Variants in MINDY4 observed in about 807,000 individuals in gnomAD.
MINDY4 encodes MINDY lysine 48 deubiquitinase 4, also known as probable ubiquitin carboxyl-terminal hydrolase MINDY-4.
A neutral mutation model predicts 87.0 loss-of-function variants in MINDY4; 68 were observed. The observed-to-expected ratio is 0.78, with a 90% CI of 0.64 to 0.96. The LOEUF is 0.96. MINDY4 is among the 40% of genes least tolerant of loss of function. The probability of loss-of-function intolerance (pLI) is 0.00; values close to 1 mark genes in which losing one functional copy is unlikely to be tolerated. For synonymous variants in MINDY4, 379 were observed against 363.2 expected, an observed-to-expected ratio of 1.04 and a Z score of -0.50; for missense variants, 919 against 928.2, an observed-to-expected ratio of 0.99 and a Z score of 0.13.
Position 30,891,942 on chromosome 7 carries a change from T to C in MINDY4, c.2226-15T>C. On this transcript the variant is annotated splice_polypyrimidine_tract_variant and intron_variant, in intron 17 of 17. Transcript: ENST00000265299. ...GCTTGATCTCTCTTTGTCTCTCTCCTCACTCTACGCTTAGGTGGAAGGGGG... is the reference window on the plus strand; with the variant it reads ...GCTTGATCTCTCTTTGTCTCTCTCCCCACTCTACGCTTAGGTGGAAGGGGG... 1 of 1,613,968 alleles carries C rather than the reference T, an allele frequency of 6.2e-7. No individual in the cohort carries two copies. Among genetic ancestry groups the C allele is most frequent in the South Asian group, 1.1e-5 (1 of 91,074 alleles).
intron 9 of MINDY4, among the ~76,000 whole-genome samples, chr7:30,846,393 CATTT>C (rs1789219473): frequency 6.6e-6 from 1 of 152,214 alleles, no homozygotes; most frequent in Admixed American, 6.5e-5. Context: ...CCCTCAAGAT[CATTT>C]ATTTTCCCTA....
At chr7:30,872,714 C>G (rs1790143212) in intron 14 of MINDY4, among the ~76,000 whole-genome samples, 1 of 152,198 alleles carries the variant, frequency 6.6e-6, no homozygotes, top group African/African-American at 2.4e-5. Context: ...AAGGTATTGT[C>G]TTTATAGCCA....
At chr7:30,778,749 G>T (rs75849664) in intron 2 of MINDY4, among the ~76,000 whole-genome samples, 198 bp downstream of exon 2, 13,051 of 152,180 alleles carry the variant, frequency 0.086, 915 homozygotes, top group African/African-American at 0.18. Flanking sequence ...AGCTGGTGCC[G>T]CCCATTGGCG....
chr7:30,873,149 C>T (rs948812450), intron 14 of MINDY4, among the ~76,000 whole-genome samples: 2 of 152,222 alleles, frequency 1.3e-5, no homozygotes, highest in Admixed American at 6.5e-5. Flanking sequence ...TTGTCCAGGG[C>T]ACCCACAGAG....
chr7:30,795,016 G>A (rs1787443342), intron 5 of MINDY4, among the ~76,000 whole-genome samples: 1 of 152,162 alleles, frequency 6.6e-6, no homozygotes, highest in Admixed American at 6.5e-5. Flanking sequence ...CCAGGGCTAG[G>A]TCTTCCAAGC....
chr7:30,832,756 C>G (rs2128564100), intron 6 of MINDY4, among the ~76,000 whole-genome samples: 1 of 152,312 alleles, frequency 6.6e-6, no homozygotes, highest in Middle Eastern at 3.4e-3. Context: ...GATCCACCCA[C>G]CTTGGCCTCC....
At chr7:30,882,848 A>T (rs2128581987) in intron 16 of MINDY4, 73 bp from the exon 17 acceptor site, 13 of 1,374,380 alleles carry the variant, frequency 9.5e-6, no homozygotes, top group Non-Finnish European at 1.1e-5. Context: ...GGGTCTCGGG[A>T]GTGGTCAGCG....
intron 5 of MINDY4, among the ~76,000 whole-genome samples, chr7:30,820,702 C>T (rs934519298): frequency 2.0e-5 from 3 of 152,216 alleles, no homozygotes; most frequent in South Asian, 2.1e-4. Context: ...AATAATATTC[C>T]GTTGTATGGA....
chr7:30,824,401 A>T (rs1432922491), intron 5 of MINDY4, among the ~76,000 whole-genome samples: 3 of 152,180 alleles, frequency 2.0e-5, no homozygotes, highest in African/African-American at 7.2e-5. Context: ...CCACCTCTGA[A>T]TACGGCCACA....
intron 13 of MINDY4, among the ~76,000 whole-genome samples, chr7:30,866,747 A>C (rs1789948865): frequency 6.6e-6 from 1 of 152,152 alleles, no homozygotes; most frequent in Admixed American, 6.5e-5. Flanking sequence ...GATCAGTTGC[A>C]GAGGGTCTAG....
chr7:30,870,305 C>G (rs1349354439), intron 13 of MINDY4, among the ~76,000 whole-genome samples: 3 of 152,218 alleles, frequency 2.0e-5, no homozygotes, highest in African/African-American at 2.4e-5. Context: ...TATCGGCCCC[C>G]CCTCAGGACC....
Position 30,887,540 on chromosome 7 carries a change from G to T in MINDY4, c.2226-4417G>T, listed in dbSNP as rs1790667111. On this transcript the variant is annotated intron_variant, in intron 17 of 17. Coordinates refer to ENST00000265299, the MANE Select transcript of MINDY4 (RefSeq NM_032222.3). ...CAAGTTGGGCCAGGGCTCAGGAGCA[G>T]GCAGAGAGGAGAGTGCAAGGCAGGG... 2.6e-5 allele frequency among the ~76,000 whole-genome samples: 4 copies of T among 152,240 alleles called. No individual in the cohort carries two copies. In the South Asian group the frequency reaches 8.3e-4, roughly 31 times the overall value.
intron 5 of MINDY4, among the ~76,000 whole-genome samples, chr7:30,796,462 T>C (rs749746164): frequency 6.6e-6 from 1 of 152,180 alleles, no homozygotes; most frequent in Non-Finnish European, 1.5e-5. Context: ...AAGTATGATA[T>C]AGTCCATGCA....
At chr7:30,823,318 C>A (rs1156888899) in intron 5 of MINDY4, among the ~76,000 whole-genome samples, 2 of 152,192 alleles carry the variant, frequency 1.3e-5, no homozygotes, top group African/African-American at 4.8e-5. Flanking sequence ...CTACTGATGA[C>A]CCTTTCCCAT....
intron 15 of MINDY4, among the ~76,000 whole-genome samples, chr7:30,878,969 C>G (rs1028695179): frequency 6.6e-6 from 1 of 152,222 alleles, no homozygotes; most frequent in African/African-American, 2.4e-5. Flanking sequence ...GCTCCTGTCC[C>G]CATCGCTTTC....
At chr7:30,835,176 G>A (rs1788820499) in intron 6 of MINDY4, among the ~76,000 whole-genome samples, 2 of 152,216 alleles carry the variant, frequency 1.3e-5, no homozygotes, top group Admixed American at 6.5e-5. Context: ...ATTTACAAAA[G>A]AAAGTTTATT....
intron 17 of MINDY4, among the ~76,000 whole-genome samples, chr7:30,889,360 T>C (rs1790727109): frequency 6.6e-6 from 1 of 152,190 alleles, no homozygotes; most frequent in Non-Finnish European, 1.5e-5. Context: ...GCACAATGCC[T>C]TCCCAGCCTG....
At chr7:30,773,355 G>A (rs1308553755) in intron 1 of MINDY4, among the ~76,000 whole-genome samples, 1 of 152,172 alleles carries the variant, frequency 6.6e-6, no homozygotes, top group African/African-American at 2.4e-5. Context: ...AGGAGGCCAA[G>A]AAACTTGCCC....
intron 13 of MINDY4, among the ~76,000 whole-genome samples, chr7:30,863,699 A>G (rs530377131): frequency 3.3e-5 from 5 of 152,272 alleles, no homozygotes; most frequent in Non-Finnish European, 5.9e-5. Context: ...CTGCCTGGCC[A>G]CTTCATTGTC....
Sources: allele counts gnomAD v4.1 joint callset (sites outside exome capture counted in the v4.1 genomes callset), GRCh38; gene constraint gnomAD v4.1.1; transcripts MANE v1.5; gene names NCBI Gene and HGNC (gene_info 2026-07-23, HGNC 2026-07-21).